The following MAN1A2 variants were observed in gnomAD, a reference collection of about 807,000 sequenced individuals.
MAN1A2 encodes mannosyl-oligosaccharide 1,2-alpha-mannosidase IB.
MAN1A2 carries 26 observed loss-of-function variants against 75.7 expected under a neutral mutation model. The ratio of observed to expected loss-of-function variants is 0.34; its 90% CI spans 0.25 to 0.48. The LOEUF (loss-of-function observed/expected upper bound fraction) is 0.48. MAN1A2 is among the 20% of genes least tolerant of loss of function. The pLI is 0.99. For synonymous variants in MAN1A2, 247 were observed against 264.6 expected, an observed-to-expected ratio of 0.93 and a Z score of 0.65; for missense variants, 562 against 775.5, an observed-to-expected ratio of 0.72 and a Z score of 3.27.
At chr1:117,376,000 C>T (rs1332609678) in intron 1 of MAN1A2, among the ~76,000 whole-genome samples, 2 of 151,814 alleles carry the variant, frequency 1.3e-5, no homozygotes, top group Non-Finnish European at 2.9e-5. Flanking sequence ...CAAGCTCCGC[C>T]TCCTGGGTTC....
rs180989395 is a variant in MAN1A2, at chr1:117,512,617, T to G, written c.1793+9647T>G. ...TAGCATAAAGTCAGGTGGGCAAGTCTTTGCTTAACTGCTGTATTTATGTAG... is the reference window on the plus strand; with the variant it reads ...TAGCATAAAGTCAGGTGGGCAAGTCGTTGCTTAACTGCTGTATTTATGTAG... On this transcript the variant is annotated intron_variant, in intron 12 of 12. Transcript: ENST00000356554. 3.3e-4 allele frequency among the ~76,000 whole-genome samples: 50 copies of G among 152,164 alleles called. 2 individuals are homozygous for G. The East Asian group carries it at 9.7e-3, about 29-fold the overall frequency.
rs1283791229 is a variant in MAN1A2, at chr1:117,525,628, A to T, written c.*2671A>T. 6.6e-6 allele frequency: 1 copy of T among 152,658 alleles called. No homozygotes were observed. The highest frequency in any genetic ancestry group is 1.5e-5 in the Non-Finnish European group (1 of 68,350). 9.5% of individuals were successfully genotyped at this position (152,658 alleles called of 1,614,324 possible). On this transcript the variant is annotated 3_prime_UTR_variant, in exon 13 of 13. Transcript: ENST00000356554. ...TTTGGCACAAATGTGCAGAATAGAT[A>T]CATCAGTTGGTGCATAATCGAAAAA...
chr1:117,491,969 C>T (rs1650895311), intron 8 of MAN1A2, among the ~76,000 whole-genome samples: 1 of 152,086 alleles, frequency 6.6e-6, no homozygotes, highest in Non-Finnish European at 1.5e-5. Flanking sequence ...TGAGGAGTTG[C>T]TTCTTAACAG....
intron 8 of MAN1A2, 127 bp downstream of exon 8, chr1:117,466,554 G>T (rs116617572): frequency 1.8e-6 from 1 of 556,894 alleles, no homozygotes; most frequent in Admixed American, 3.8e-5. Flanking sequence ...TGGTCTGCTG[G>T]TGCTGTTCTT....
At chr1:117,513,897 A>C (rs1253094541) in intron 12 of MAN1A2, among the ~76,000 whole-genome samples, 1 of 152,164 alleles carries the variant, frequency 6.6e-6, no homozygotes, top group Non-Finnish European at 1.5e-5. Context: ...TTGCTAACTT[A>C]GCTACTTTTT....
chr1:117,480,259 C>T (rs1348180876), intron 8 of MAN1A2, among the ~76,000 whole-genome samples: 1 of 151,912 alleles, frequency 6.6e-6, no homozygotes, highest in Non-Finnish European at 1.5e-5. Flanking sequence ...CCCAGTCTTT[C>T]CAGACTCAGC....
chr1:117,487,114 A>T (rs946824769), intron 8 of MAN1A2, among the ~76,000 whole-genome samples: 13 of 152,038 alleles, frequency 8.6e-5, no homozygotes, highest in African/African-American at 3.1e-4. Flanking sequence ...CTTAAATTTG[A>T]TACCCGTATG....
intron 6 of MAN1A2, among the ~76,000 whole-genome samples, chr1:117,459,274 A>G (rs751321302): frequency 1.1e-4 from 16 of 152,186 alleles, no homozygotes; most frequent in Non-Finnish European, 2.1e-4. Flanking sequence ...CCCAAAATTT[A>G]TGGACAAATT....
chr1:117,434,926 G>A (rs1648802096), intron 5 of MAN1A2, among the ~76,000 whole-genome samples: 1 of 151,830 alleles, frequency 6.6e-6, no homozygotes, highest in African/African-American at 2.4e-5. Context: ...AAAAGGATTG[G>A]GTGATACGTG....
At chr1:117,434,356 A>G (rs1299911105) in intron 5 of MAN1A2, among the ~76,000 whole-genome samples, 7 of 152,216 alleles carry the variant, frequency 4.6e-5, no homozygotes, top group Non-Finnish European at 1.0e-4. Flanking sequence ...TTAAATGTAT[A>G]CTTTGCATTT....
At chr1:117,412,180 T>A (rs895111233) in intron 3 of MAN1A2, among the ~76,000 whole-genome samples, 6 of 151,800 alleles carry the variant, frequency 4.0e-5, no homozygotes, top group African/African-American at 1.4e-4. Flanking sequence ...GGTAGCTCTT[T>A]GAAAACTTTT....
Position 117,368,295 on chromosome 1 carries a change from A to C in MAN1A2, c.112A>C (p.Ile38Leu), listed in dbSNP as rs1230011457. 5 of 1,614,062 alleles carry C rather than the reference A, an allele frequency of 3.1e-6. No individual in the cohort carries two copies. The highest frequency in any genetic ancestry group is 4.5e-5 in the East Asian group (2 of 44,874). ...TACCTTGAGACTTTCTGAGAAGTTTATTCTTCTCCTTATTCTTAGTGCCTT... is the reference window on the plus strand; with the variant it reads ...TACCTTGAGACTTTCTGAGAAGTTTCTTCTTCTCCTTATTCTTAGTGCCTT... ...RATLRLSEKFILLLILSAFIT... is the reference protein window; with the variant it reads ...RATLRLSEKFLLLLILSAFIT... Residue 38 changes from isoleucine to leucine, a missense_variant, in exon 1 of 13, where the codon ATT becomes CTT. Transcript: ENST00000356554.
At chr1:117,423,441 A>G (rs995574544) in intron 5 of MAN1A2, among the ~76,000 whole-genome samples, 7 of 152,178 alleles carry the variant, frequency 4.6e-5, no homozygotes, top group African/African-American at 1.7e-4. Flanking sequence ...AACTGGGATT[A>G]TAAATTTTGA....
At chr1:117,386,782 A>AG (rs1653541718) in intron 1 of MAN1A2, among the ~76,000 whole-genome samples, 1 of 46,008 alleles carries the variant, frequency 2.2e-5, no homozygotes, top group Non-Finnish European at 4.4e-5. Flanking sequence ...AAATAAAAAA[A>AG]TTAGCCAGAT....
rs778911918 is a variant in MAN1A2 at position 117,402,226 on chromosome 1, C to A, written c.343C>A (p.His115Asn). ...TCTGAGAAATAAAATTCGAGCTGAT[C>A]ATGAGAAGGCCTTGGAAGAAGCAAA... ...ERLRNKIRADHEKALEEAKEK... is the reference protein window; with the variant it reads ...ERLRNKIRADNEKALEEAKEK... The change falls in exon 2 of 13, where the codon CAT becomes AAT. Residue 115 changes from histidine (H) to asparagine (N), a missense_variant. Physicochemically the swap from His to Asn is moderately conservative, Grantham distance 68. This residue lies in a region of MAN1A2 where 434 missense variants were observed against 645.7 expected (regional missense o/e 0.67). Coordinates refer to ENST00000356554, the MANE Select transcript of MAN1A2 (RefSeq NM_006699.5). The A allele has an allele frequency of 1.2e-6, 2 of 1,612,768 alleles. No homozygotes were observed. The highest frequency in any genetic ancestry group is 2.7e-5 in the African/African-American group (2 of 74,728).
At chr1:117,463,980 G>T (rs1026476779) in intron 7 of MAN1A2, among the ~76,000 whole-genome samples, 1 of 152,124 alleles carries the variant, frequency 6.6e-6, no homozygotes, top group African/African-American at 2.4e-5. Context: ...AGATTAAAAA[G>T]ATAATAGATT....
rs774543925 is a variant in MAN1A2 at position 117,420,667 on chromosome 1, A to G, written c.855+18A>G. On this transcript the variant is annotated intron_variant, in intron 5 of 12. Coordinates refer to ENST00000356554, the MANE Select transcript of MAN1A2 (RefSeq NM_006699.5). Reference sequence around the variant, plus strand: ...GAGAGGAGGTGAGCAAAATCAAGCAATGCATTGTTTGTTTTGGAGGGGAGG... The same window carrying G: ...GAGAGGAGGTGAGCAAAATCAAGCAGTGCATTGTTTGTTTTGGAGGGGAGG... The G allele has an allele frequency of 8.3e-6, 13 of 1,572,088 alleles. No individual in the cohort carries two copies. Among genetic ancestry groups the G allele is most frequent in the Admixed American group, 1.7e-5 (1 of 59,618 alleles).
chr1:117,434,631 C>G (rs1391815438), intron 5 of MAN1A2, among the ~76,000 whole-genome samples: 1 of 152,016 alleles, frequency 6.6e-6, no homozygotes, highest in Non-Finnish European at 1.5e-5. Context: ...ATTGATATAT[C>G]TGTTACCATA....
chr1:117,405,690 T>C, intron 3 of MAN1A2, 45 bp downstream of exon 3: 1 of 1,060,066 alleles, frequency 9.4e-7, no homozygotes, highest in Non-Finnish European at 1.5e-6. Flanking sequence ...TCTACCTCCA[T>C]CTTTTAAAAC....
Sources: gnomAD v4.1 joint callset for allele counts (sites outside exome capture counted in the v4.1 genomes callset) on GRCh38, gnomAD v4.1.1 for gene constraint, gnomAD v4.1.1 regional missense constraint, MANE v1.5 for transcripts, NCBI Gene and HGNC (gene_info 2026-07-23, HGNC 2026-07-21) for gene names.